Variants in SPOCK3 observed in about 807,000 individuals in gnomAD.
SPOCK3 encodes the protein SPARC (osteonectin), cwcv and kazal like domains proteoglycan 3, also known as testican-3.
A neutral mutation model predicts 56.6 loss-of-function variants in SPOCK3; 30 were observed. That is an observed-to-expected ratio of 0.53 (90% CI 0.40 to 0.72). The LOEUF (loss-of-function observed/expected upper bound fraction) is 0.72, where lower values mean the gene tolerates loss of function less well. Among genes scored for constraint, SPOCK3 ranks in the 30% least tolerant of loss-of-function variants. The pLI, the probability that SPOCK3 is intolerant of heterozygous loss-of-function variation, is 0.00. For missense variants in SPOCK3, 527 were observed against 530.0 expected (o/e 0.99, Z 0.06); for synonymous variants, 196 against 183.3 (o/e 1.07, Z -0.56).
At chr4:166,801,194 A>G (rs1742557180) in intron 6 of SPOCK3, among the ~76,000 whole-genome samples, 1 of 152,144 alleles carries the variant, frequency 6.6e-6, no homozygotes, top group Non-Finnish European at 1.5e-5. Context: ...ATTATTGATC[A>G]TACTCATCAA....
chr4:166,830,275 C>T (rs1745896440), intron 6 of SPOCK3, among the ~76,000 whole-genome samples: 1 of 152,130 alleles, frequency 6.6e-6, no homozygotes, highest in Admixed American at 6.5e-5. Context: ...CAAATCAGAT[C>T]ATTTATTTTG....
intron 4 of SPOCK3, among the ~76,000 whole-genome samples, chr4:166,924,532 T>G (rs1443568915): frequency 6.6e-6 from 1 of 152,238 alleles, no homozygotes; most frequent in Non-Finnish European, 1.5e-5. Context: ...CCACAGTCTC[T>G]CTTGCCCTTC....
At chr4:166,896,462 C>A (rs906286291) in intron 5 of SPOCK3, among the ~76,000 whole-genome samples, 3 of 152,054 alleles carry the variant, frequency 2.0e-5, no homozygotes, top group Non-Finnish European at 4.4e-5. Flanking sequence ...TGGGGGCCAC[C>A]GAGGTGCATG....
chr4:166,939,914 C>G (rs545706848), intron 4 of SPOCK3, among the ~76,000 whole-genome samples: 1 of 152,140 alleles, frequency 6.6e-6, no homozygotes, highest in South Asian at 2.1e-4. Flanking sequence ...AAACTAGAAA[C>G]ACATAAGGCA....
intron 6 of SPOCK3, among the ~76,000 whole-genome samples, chr4:166,841,809 T>C (rs528062198): frequency 5.9e-5 from 9 of 152,240 alleles, no homozygotes; most frequent in Non-Finnish European, 1.0e-4. Flanking sequence ...TCAGTGACTA[T>C]GATGAAATAT....
chr4:166,956,872 C>T (rs929019298), intron 4 of SPOCK3, among the ~76,000 whole-genome samples: 1 of 152,132 alleles, frequency 6.6e-6, no homozygotes, highest in African/African-American at 2.4e-5. Context: ...TGCAAACATT[C>T]TCATCCTCCT....
At chr4:167,050,309 G>A (rs1449474901) in intron 3 of SPOCK3, among the ~76,000 whole-genome samples, 1 of 152,148 alleles carries the variant, frequency 6.6e-6, no homozygotes, top group Non-Finnish European at 1.5e-5. Flanking sequence ...AGTACCCTAT[G>A]ATTCTCTACT....
At chr4:166,745,883 A>C (rs1021194400) in intron 8 of SPOCK3, among the ~76,000 whole-genome samples, 27 of 152,206 alleles carry the variant, frequency 1.8e-4, no homozygotes, top group African/African-American at 6.5e-4. Flanking sequence ...ATCAAAAGAC[A>C]AAAAGAAGGC....
chr4:167,205,495 TA>T (rs1734147651), intron 2 of SPOCK3, among the ~76,000 whole-genome samples: 3 of 56,302 alleles, frequency 5.3e-5, no homozygotes, highest in South Asian at 4.2e-4. Flanking sequence ...ATATAATATA[TA>T]ATATATATTA....
intron 2 of SPOCK3, among the ~76,000 whole-genome samples, chr4:167,159,401 C>T (rs1765088430): frequency 1.3e-5 from 2 of 151,850 alleles, no homozygotes; most frequent in Admixed American, 6.6e-5. Flanking sequence ...TCATAATATC[C>T]TCATTCCTGA....
At chr4:166,786,136 G>A (rs981262969) in intron 7 of SPOCK3, among the ~76,000 whole-genome samples, 1 of 152,178 alleles carries the variant, frequency 6.6e-6, no homozygotes, top group South Asian at 2.1e-4. Context: ...TGGAAGGGAA[G>A]GCACCTAGTG....
At chr4:166,735,818 C>T (rs149200324) in intron 10 of SPOCK3, among the ~76,000 whole-genome samples, 5 of 152,070 alleles carry the variant, frequency 3.3e-5, no homozygotes, top group Admixed American at 6.6e-5. Flanking sequence ...TTAGTGAGAC[C>T]TGTGTTGATC....
At chr4:166,945,690 T>A (rs1196603923) in intron 4 of SPOCK3, among the ~76,000 whole-genome samples, 1 of 152,182 alleles carries the variant, frequency 6.6e-6, no homozygotes, top group Non-Finnish European at 1.5e-5. Context: ...CTAGTTGGGC[T>A]CTGATCCTCT....
intron 3 of SPOCK3, among the ~76,000 whole-genome samples, chr4:167,061,306 T>C (rs1755582427): frequency 6.6e-6 from 1 of 152,042 alleles, no homozygotes; most frequent in Non-Finnish European, 1.5e-5. Flanking sequence ...CTGCATGTCA[T>C]TATTTTTTTA....
chr4:167,094,666 G>A (rs1321964624), intron 2 of SPOCK3, among the ~76,000 whole-genome samples: 2 of 152,090 alleles, frequency 1.3e-5, no homozygotes, highest in African/African-American at 2.4e-5. Context: ...GCGAGAGTTA[G>A]TATTATACTT....
chr4:166,970,452 G>A (rs879458388), intron 4 of SPOCK3, among the ~76,000 whole-genome samples: 28 of 152,194 alleles, frequency 1.8e-4, no homozygotes, highest in Admixed American at 3.9e-4. Context: ...GGCTGGTAGC[G>A]GTGGCTTGTG....
intron 8 of SPOCK3, among the ~76,000 whole-genome samples, chr4:166,751,237 A>T (rs1029936857): frequency 2.2e-4 from 33 of 152,166 alleles, no homozygotes; most frequent in Admixed American, 7.2e-4. Flanking sequence ...ATATCTTTTA[A>T]AAAGAATGAA....
At chr4:166,851,954 A>ATAC (rs1191406528) in intron 6 of SPOCK3, among the ~76,000 whole-genome samples, 1 of 151,858 alleles carries the variant, frequency 6.6e-6, no homozygotes, top group African/African-American at 2.4e-5. Context: ...ACACCATGGA[A>ATAC]TACTATGCAG....
At chr4:167,180,656 G>A (rs1379968606) in intron 2 of SPOCK3, among the ~76,000 whole-genome samples, 1 of 152,082 alleles carries the variant, frequency 6.6e-6, no homozygotes, top group Non-Finnish European at 1.5e-5. Context: ...CTGGTTGGTG[G>A]TTCATTCTGT....
Sources: gnomAD v4.1 joint callset for allele counts (sites outside exome capture counted in the v4.1 genomes callset) on GRCh38, gnomAD v4.1.1 for gene constraint, MANE v1.5 for transcripts, NCBI Gene and HGNC (gene_info 2026-07-23, HGNC 2026-07-21) for gene names.